OIT3: variants seen among roughly 807,000 people sequenced by gnomAD.
OIT3 encodes oncoprotein induced transcript 3.
In OIT3, 41 loss-of-function variants were observed where a neutral mutation model predicts 52.2. That is an observed-to-expected ratio of 0.79 (90% CI 0.61 to 1.02). The LOEUF is 1.02. Among genes scored for constraint, OIT3 ranks in the 50% least tolerant of loss-of-function variants. The pLI is 0.00. For synonymous variants in OIT3, 244 were observed against 276.9 expected, an observed-to-expected ratio of 0.88 and a Z score of 1.18; for missense variants, 634 against 715.5, an observed-to-expected ratio of 0.89 and a Z score of 1.30.
Position 72,900,238 on chromosome 10 carries a change from C to CT in OIT3, c.437-137dup. 7 of 597,372 alleles carry CT rather than the reference C, an allele frequency of 1.2e-5. No individual in the cohort carries two copies. In the South Asian group the frequency reaches 1.4e-4, roughly 12 times the overall value. 37.0% of individuals were successfully genotyped at this position (597,372 alleles called of 1,614,324 possible). A position where few individuals can be genotyped will look rare whatever the true frequency, so the allele number is the denominator to read the frequency against. On this transcript the variant is annotated intron_variant, in intron 2 of 8. Coordinates refer to ENST00000334011, the MANE Select transcript of OIT3 (RefSeq NM_152635.3). ...TTGGGAGGCCAAGGTGAGAGGATTG[C>CT]TTGAGCCCAGGGGTTCGAGGCCAGC...
chr10:72,894,708 TCTCTACTAAAAATA>T (rs1453060465), intron 1 of OIT3, among the ~76,000 whole-genome samples: 1 of 151,984 alleles, frequency 6.6e-6, no homozygotes, highest in African/African-American at 2.4e-5. Flanking sequence ...TGAAACTCCG[TCTCTACTAAAAATA>T]CATACACACA....
chr10:72,908,240 T>C (rs1312192762), intron 4 of OIT3, among the ~76,000 whole-genome samples: 2 of 147,058 alleles, frequency 1.4e-5, no homozygotes, highest in Non-Finnish European at 3.0e-5. Flanking sequence ...AGACTCCAGC[T>C]AAAAAAAAAA....
At position 72,898,730 on chromosome 10, in the gene OIT3, A is replaced by T. The variant is rs753047903; in HGVS notation, c.128A>T (p.Asp43Val). The change falls in exon 2 of 9, where the codon GAT (aspartate) becomes GTT (valine). Residue 43 changes from aspartate (D) to valine (V), a missense_variant. Physicochemically the swap from Asp to Val is radical, Grantham distance 152 (BLOSUM62 -3). Transcript: ENST00000334011. The part of the protein sequence containing the change: ...EPWRNTDHQL[D>V]ESQGPPLCDN... Reference sequence around the variant, plus strand: ...TGGAGGAACACTGACCACCAGTTGGATGAGTCTCAAGGTCCTCCTCTATGT... The same window carrying T: ...TGGAGGAACACTGACCACCAGTTGGTTGAGTCTCAAGGTCCTCCTCTATGT... 2.3e-5 allele frequency: 37 copies of T among 1,613,762 alleles called. No individual in the cohort carries two copies. The South Asian group carries it at 3.8e-4, about 17-fold the overall frequency.
intron 6 of OIT3, chr10:72,917,630 A>G (rs1438417204): frequency 2.3e-5 from 19 of 830,008 alleles, no homozygotes; most frequent in Admixed American, 1.4e-4. Context: ...TGTTTAAACT[A>G]TTTTCTTAAA....
chr10:72,918,693 G>C (rs1207059942), intron 6 of OIT3, among the ~76,000 whole-genome samples: 2 of 152,152 alleles, frequency 1.3e-5, no homozygotes, highest in African/African-American at 4.8e-5. Context: ...AAGGGGTCCA[G>C]TTTCAATTTT....
chr10:72,900,576 G>C (rs1296883435), intron 3 of OIT3, 92 bp downstream of exon 3: 1 of 693,348 alleles, frequency 1.4e-6, no homozygotes, highest in African/African-American at 1.8e-5. Context: ...CATTTTCCCA[G>C]TGTGTGTCTC....
Position 72,906,063 on chromosome 10 carries a change from T to A in OIT3, c.545-533T>A, listed in dbSNP as rs147582128. 7.2e-3 allele frequency among the ~76,000 whole-genome samples: 1,099 copies of A among 152,306 alleles called. 17 individuals are homozygous for A. Among genetic ancestry groups the A allele is most frequent in the African/African-American group, 0.025 (1,050 of 41,548 alleles). On this transcript the variant is annotated intron_variant, in intron 3 of 8. Transcript: ENST00000334011. ...ACAAGAGTCCATACCTTTCATCAGA[T>A]TCTTAAAAAGGTTAGCAATCATTGC... is the stretch of plus-strand genomic sequence containing the variant.
chr10:72,901,308 G>T (rs1249215235), intron 3 of OIT3, among the ~76,000 whole-genome samples: 3 of 152,052 alleles, frequency 2.0e-5, no homozygotes, highest in Non-Finnish European at 2.9e-5. Context: ...ATACAATTTT[G>T]GTTGTTCTGA....
At chr10:72,900,612 T>C in intron 3 of OIT3, 128 bp downstream of exon 3, 1 of 615,100 alleles carries the variant, frequency 1.6e-6, no homozygotes, top group Non-Finnish European at 2.9e-6. Context: ...GTGTTTGCTT[T>C]TTAGTTTATG....
chr10:72,905,952 C>G (rs904504720), intron 3 of OIT3, among the ~76,000 whole-genome samples: 6 of 152,284 alleles, frequency 3.9e-5, no homozygotes, highest in Non-Finnish European at 8.8e-5. Context: ...TTCCTGAGGA[C>G]TATGACAAAT....
At chr10:72,898,516 A>G (rs1845897107) in intron 1 of OIT3, 148 bp from the exon 2 acceptor site, 2 of 702,264 alleles carry the variant, frequency 2.8e-6, no homozygotes, top group Admixed American at 2.5e-5. Context: ...AACCTGAGGA[A>G]CCTTAAACAG....
At chr10:72,926,989 T>TC (rs1386873059) in intron 7 of OIT3, among the ~76,000 whole-genome samples, 3 of 152,188 alleles carry the variant, frequency 2.0e-5, no homozygotes, top group Admixed American at 2.0e-4. Context: ...CTGTAAGTTT[T>TC]CCCCTGCCCC....
At chr10:72,918,518 TC>T in intron 6 of OIT3, 1 of 1,413,890 alleles carries the variant, frequency 7.1e-7, no homozygotes, top group Non-Finnish European at 9.9e-7. Flanking sequence ...CATGTCCATG[TC>T]CATCGAATCT....
intron 6 of OIT3, among the ~76,000 whole-genome samples, chr10:72,914,171 T>C (rs1846054225): frequency 6.6e-6 from 1 of 152,128 alleles, no homozygotes; most frequent in African/African-American, 2.4e-5. Context: ...TGAGAGGGGA[T>C]ATGCAGGCCT....
At chr10:72,898,347 G>C (rs1278425603) in intron 1 of OIT3, among the ~76,000 whole-genome samples, 1 of 152,130 alleles carries the variant, frequency 6.6e-6, no homozygotes, top group African/African-American at 2.4e-5. Flanking sequence ...GGTCTGACTC[G>C]TGCAGAGTTC....
At chr10:72,921,036 A>T (rs1846116731) in intron 6 of OIT3, among the ~76,000 whole-genome samples, 1 of 152,172 alleles carries the variant, frequency 6.6e-6, no homozygotes, top group African/African-American at 2.4e-5. Flanking sequence ...GTCTCCCACT[A>T]TTATTGTGTG....
chr10:72,903,686 C>A (rs556113668), intron 3 of OIT3, among the ~76,000 whole-genome samples: 39 of 151,960 alleles, frequency 2.6e-4, no homozygotes, highest in African/African-American at 9.2e-4. Context: ...ATGTATGTAC[C>A]CATAACAATA....
At chr10:72,907,637 T>C (rs1845992302) in intron 4 of OIT3, among the ~76,000 whole-genome samples, 1 of 152,148 alleles carries the variant, frequency 6.6e-6, no homozygotes. Context: ...CCACGGGTGA[T>C]TTTTATCATC....
chr10:72,916,755 C>T (rs969513915), intron 6 of OIT3, among the ~76,000 whole-genome samples: 8 of 152,178 alleles, frequency 5.3e-5, no homozygotes, highest in East Asian at 3.9e-4. Context: ...AAGCACCACA[C>T]GGTGTTCCAC....
Sources: gnomAD v4.1 joint callset for allele counts (sites outside exome capture counted in the v4.1 genomes callset) on GRCh38, gnomAD v4.1.1 for gene constraint, MANE v1.5 for transcripts, NCBI Gene and HGNC (gene_info 2026-07-23, HGNC 2026-07-21) for gene names.